Variants in WNT9B observed in about 807,000 individuals in gnomAD.
WNT9B encodes Wnt family member 9B, also known as protein Wnt-9b.
WNT9B carries 12 observed loss-of-function variants against 30.2 expected under a neutral mutation model. The ratio of observed to expected loss-of-function variants is 0.40; its 90% CI spans 0.26 to 0.64. The LOEUF (loss-of-function observed/expected upper bound fraction) is 0.64, where lower values mean the gene tolerates loss of function less well. Among genes scored for constraint, WNT9B ranks in the 30% least tolerant of loss-of-function variants. The pLI, the probability that WNT9B is intolerant of heterozygous loss-of-function variation, is 0.42. For missense variants in WNT9B, 442 were observed against 485.2 expected (o/e 0.91, Z 0.84); for synonymous variants, 218 against 216.9 (o/e 1.01, Z -0.05).
chr17:46,873,147 T>G (rs752158663), intron 2 of WNT9B, among the ~76,000 whole-genome samples: 1 of 149,478 alleles, frequency 6.7e-6, no homozygotes, highest in African/African-American at 2.5e-5. Context: ...ACAAGGCACA[T>G]GAAGACGTGA....
intron 1 of WNT9B, among the ~76,000 whole-genome samples, chr17:46,857,097 G>A (rs566080677): frequency 3.9e-5 from 6 of 152,248 alleles, no homozygotes; most frequent in African/African-American, 1.2e-4. Context: ...TAGCAATAGC[G>A]AATTCCTTTT....
intron 1 of WNT9B, among the ~76,000 whole-genome samples, chr17:46,864,652 T>A (rs2085101754): frequency 6.6e-6 from 1 of 152,106 alleles, no homozygotes; most frequent in African/African-American, 2.4e-5. Flanking sequence ...TCCACCACCT[T>A]AGATGCTTGC....
chr17:46,840,003 C>T (rs8082681), intron 1 of WNT9B, among the ~76,000 whole-genome samples: 208 of 5,306 alleles, frequency 0.039, no homozygotes, highest in East Asian at 0.27. Context: ...TTTCTTTCTT[C>T]TTTCTTTCTT....
chr17:46,848,932 G>GCACACACACACA (rs60793746), upstream of WNT9B, among the ~76,000 whole-genome samples: 646 of 146,286 alleles, frequency 4.4e-3, 2 homozygotes, highest in East Asian at 0.032. Context: ...GTGTGCACGT[G>GCACACACACACA]CACACACACA....
chr17:46,852,908 G>A (rs767972273), intron 1 of WNT9B, among the ~76,000 whole-genome samples: 8 of 152,108 alleles, frequency 5.3e-5, no homozygotes, highest in Non-Finnish European at 8.8e-5. Flanking sequence ...ATGACCCCTG[G>A]TGGAAACATG....
At chr17:46,870,931 G>C (rs1007617305) in intron 1 of WNT9B, among the ~76,000 whole-genome samples, 4 of 109,620 alleles carry the variant, frequency 3.6e-5, no homozygotes, top group Non-Finnish European at 7.0e-5. Flanking sequence ...TTTTTTTTGA[G>C]ATAGGGTCTT....
rs1568126923 is a variant in WNT9B, at chr17:46,867,464, AG to A, written c.78-5052del. ...GGGGACAACCCTGAGGTCACCTCGG[AG>A]TGAGTCAGACCTAGGACCAGACTAC... On this transcript the variant is annotated intron_variant, in intron 1 of 3. Coordinates refer to ENST00000290015, the MANE Select transcript of WNT9B (RefSeq NM_003396.3). Among the ~76,000 whole-genome samples the A allele has an allele frequency of 4.6e-5, 7 of 152,328 alleles. No individual in the cohort carries two copies. The South Asian group carries it at 1.5e-3, about 32-fold the overall frequency.
intron 1 of WNT9B, chr17:46,833,474 C>A: frequency 2.1e-6 from 1 of 485,274 alleles, no homozygotes. Context: ...AGCCAACCCA[C>A]CCCGACTCCC....
upstream of WNT9B, among the ~76,000 whole-genome samples, chr17:46,848,286 CAT>C (rs1195259642): frequency 2.6e-5 from 4 of 152,178 alleles, no homozygotes; most frequent in African/African-American, 9.7e-5. Context: ...CGTCACCACA[CAT>C]GTGTTTGTAT....
chr17:46,844,546 TGTG>T (rs975717687), intron 1 of WNT9B, among the ~76,000 whole-genome samples: 7 of 151,996 alleles, frequency 4.6e-5, no homozygotes, highest in African/African-American at 1.7e-4. Context: ...GAGGAAATGG[TGTG>T]GTGGTGGCCG....
rs1568113952 is a variant in WNT9B at position 46,840,033 on chromosome 17, TTTCTTTCTTTCTTTCTC to T, written c.95+6595_95+6611del. 1.7e-4 allele frequency among the ~76,000 whole-genome samples: 23 copies of T among 135,792 alleles called. No individual in the cohort carries two copies. The East Asian group carries it at 4.9e-3, about 29-fold the overall frequency. The allele number at this position is 135,792 out of a possible 152,430, so 89.1% of individuals were successfully genotyped here. The stretch of plus-strand genomic sequence containing the variant: ...TTTCTTTCTTTCTTTCTTTCTTTCT[TTTCTTTCTTTCTTTCTC>T]TCTCTCTCTTTCCTTTCTTTCCTTC... On this transcript the variant is annotated intron_variant, in intron 1 of 2. Coordinates refer to the WNT9B transcript ENST00000575372.
At position 46,872,623 on chromosome 17, in the gene WNT9B, C is replaced by G. The variant is rs761237620; in HGVS notation, c.184C>G (p.Arg62Gly). 2.5e-6 allele frequency: 4 copies of G among 1,613,384 alleles called. No individual in the cohort carries two copies. In the South Asian group the frequency reaches 3.3e-5, roughly 13 times the overall value. Residue 62 changes from arginine (R) to glycine (G), a missense_variant, in exon 2 of 4, where the codon CGG becomes GGG. Transcript: ENST00000290015. ...LKQCDLLKLS[R>G]RQKQLCRREP... ...GCAGTGTGACCTGCTGAAGCTGTCC[C>G]GGCGGCAGAAGCAGCTCTGCCGGAG...
chr17:46,886,375 T>A (rs548034679), exon 5 of WNT9B: 6 of 152,214 alleles, frequency 3.9e-5, no homozygotes, highest in African/African-American at 1.2e-4. Flanking sequence ...ATAAATAAAA[T>A]TTGTAGGAGG....
At chr17:46,834,503 G>T (rs2084600813) in intron 1 of WNT9B, among the ~76,000 whole-genome samples, 1 of 152,196 alleles carries the variant, frequency 6.6e-6, no homozygotes, top group Non-Finnish European at 1.5e-5. Context: ...AGGGGGTACG[G>T]AGCTCCTTGA....
chr17:46,858,179 C>A (rs2084971455), intron 1 of WNT9B, among the ~76,000 whole-genome samples: 1 of 152,218 alleles, frequency 6.6e-6, no homozygotes, highest in Admixed American at 6.5e-5. Flanking sequence ...ATCCACCCAC[C>A]TCGGCCTCCC....
At position 46,855,225 on chromosome 17, in the gene WNT9B, G is replaced by C. The variant is rs145664850; in HGVS notation, c.77+3510G>C. Among the ~76,000 whole-genome samples, 76 of 152,334 alleles carry C rather than the reference G, an allele frequency of 5.0e-4. No homozygotes were observed. The East Asian group carries it at 7.9e-3, about 16-fold the overall frequency. On this transcript the variant is annotated intron_variant, in intron 1 of 3. Coordinates refer to ENST00000290015, the MANE Select transcript of WNT9B (RefSeq NM_003396.3). ...AGCAGTGGCTGCAGAGAGGCCGAAGGGGGTGAGGGTGGAGGGAGCCTCCCT... is the reference window on the plus strand; with the variant it reads ...AGCAGTGGCTGCAGAGAGGCCGAAGCGGGTGAGGGTGGAGGGAGCCTCCCT...
At chr17:46,868,191 G>A (rs1202274451) in intron 1 of WNT9B, among the ~76,000 whole-genome samples, 1 of 152,180 alleles carries the variant, frequency 6.6e-6, no homozygotes, top group Non-Finnish European at 1.5e-5. Context: ...AGAGCAATTA[G>A]CAAGTTGGCA....
chr17:46,870,008 T>A (rs1024625486), intron 1 of WNT9B, among the ~76,000 whole-genome samples: 18 of 151,650 alleles, frequency 1.2e-4, no homozygotes, highest in Non-Finnish European at 2.2e-4. Flanking sequence ...AAAAAAAAAA[T>A]GTTATATATC....
intron 1 of WNT9B, among the ~76,000 whole-genome samples, chr17:46,863,030 C>T (rs367872110): frequency 5.3e-5 from 8 of 152,350 alleles, no homozygotes; most frequent in African/African-American, 1.7e-4. Context: ...GTACAGGGCC[C>T]CACAGGGGCT....
Sources: gnomAD v4.1 joint callset for allele counts (sites outside exome capture counted in the v4.1 genomes callset) on GRCh38, gnomAD v4.1.1 for gene constraint, MANE v1.5 for transcripts, NCBI Gene and HGNC (gene_info 2026-07-23, HGNC 2026-07-21) for gene names.